Variants in SMYD3 observed in about 807,000 individuals in gnomAD.
SMYD3 encodes the protein histone-lysine N-methyltransferase SMYD3.
In SMYD3, 36 loss-of-function variants were observed where a neutral mutation model predicts 57.7. That is an observed-to-expected ratio of 0.62 (90% confidence interval 0.48 to 0.82). The LOEUF (loss-of-function observed/expected upper bound fraction) is 0.82. Among genes scored for constraint, SMYD3 ranks in the 40% least tolerant of loss-of-function variants. The probability of loss-of-function intolerance (pLI) is 0.00; values close to 1 mark genes in which losing one functional copy is unlikely to be tolerated. For missense variants in SMYD3, 515 were observed against 538.8 expected (o/e 0.96, Z 0.44); for synonymous variants, 211 against 195.0 (o/e 1.08, Z -0.68).
intron 8 of SMYD3, among the ~76,000 whole-genome samples, chr1:245,878,878 C>T (rs1385212617): frequency 6.6e-6 from 1 of 152,184 alleles, no homozygotes; most frequent in Admixed American, 6.5e-5. Context: ...TGTAAACAAA[C>T]ATGGGTTCCG....
chr1:245,930,246 A>G, intron 5 of SMYD3: 1 of 425,688 alleles, frequency 2.3e-6, no homozygotes. Context: ...TTACAGTTAC[A>G]TGAACTGTTC....
intron 5 of SMYD3, among the ~76,000 whole-genome samples, chr1:245,940,082 C>T (rs1032679185): frequency 6.6e-6 from 1 of 152,194 alleles, no homozygotes; most frequent in Non-Finnish European, 1.5e-5. Flanking sequence ...TCACCTTCCC[C>T]TCAGGGAATT....
At chr1:246,419,736 G>T (rs962459329) in intron 1 of SMYD3, among the ~76,000 whole-genome samples, 1 of 152,210 alleles carries the variant, frequency 6.6e-6, no homozygotes, top group Non-Finnish European at 1.5e-5. Flanking sequence ...ACATGGCAGG[G>T]ATCTAAGTTG....
intron 7 of SMYD3, among the ~76,000 whole-genome samples, chr1:245,921,234 T>C (rs2055902820): frequency 6.6e-6 from 1 of 152,066 alleles, no homozygotes; most frequent in Non-Finnish European, 1.5e-5. Context: ...CGAGAAACCA[T>C]CTTACACCAG....
At chr1:245,904,073 A>G (rs2054382782) in intron 8 of SMYD3, among the ~76,000 whole-genome samples, 1 of 152,170 alleles carries the variant, frequency 6.6e-6, no homozygotes, top group African/African-American at 2.4e-5. Context: ...TGTTGACTCC[A>G]TGTCTCACAT....
intron 2 of SMYD3, among the ~76,000 whole-genome samples, chr1:246,340,312 C>T (rs1263752662): frequency 6.7e-6 from 1 of 149,896 alleles, no homozygotes; most frequent in African/African-American, 2.4e-5. Context: ...AGGTAATAAA[C>T]CATGAAACAG....
At chr1:246,060,530 AG>A (rs2060233640) in intron 5 of SMYD3, among the ~76,000 whole-genome samples, 1 of 151,790 alleles carries the variant, frequency 6.6e-6, no homozygotes, top group Non-Finnish European at 1.5e-5. Flanking sequence ...AAGATAAAAA[AG>A]GAAAAAAATA....
chr1:246,113,187 AT>A (rs1411390611), intron 5 of SMYD3, among the ~76,000 whole-genome samples: 2 of 67,534 alleles, frequency 3.0e-5, no homozygotes, highest in African/African-American at 2.3e-4. Flanking sequence ...GTCTCAAAAA[AT>A]AAATAAATAA....
At chr1:246,115,907 G>C (rs1373161390) in intron 5 of SMYD3, among the ~76,000 whole-genome samples, 3 of 151,986 alleles carry the variant, frequency 2.0e-5, no homozygotes, top group Admixed American at 6.6e-5. Flanking sequence ...CGGAGGCCAA[G>C]GCGGGCAGAT....
chr1:246,002,448 T>TA (rs1425793410), intron 5 of SMYD3, among the ~76,000 whole-genome samples: 2 of 44,808 alleles, frequency 4.5e-5, no homozygotes, highest in Non-Finnish European at 1.1e-4. Flanking sequence ...CCTCCCAAAG[T>TA]GCTGGGATTA....
chr1:245,822,960 T>C (rs990513618), intron 10 of SMYD3, among the ~76,000 whole-genome samples: 8 of 152,240 alleles, frequency 5.3e-5, no homozygotes, highest in Non-Finnish European at 7.3e-5. Context: ...GCTCGTGTTC[T>C]TGTCAGTCCT....
At chr1:245,768,887 T>C (rs933646501) in intron 10 of SMYD3, among the ~76,000 whole-genome samples, 2 of 151,826 alleles carry the variant, frequency 1.3e-5, no homozygotes, top group Admixed American at 6.6e-5. Flanking sequence ...CCTCCGGAAC[T>C]GTGAGAAAAA....
chr1:246,165,224 G>A lies in SMYD3; in HGVS notation c.531+161977C>T, dbSNP rs936878051. 7.9e-5 allele frequency among the ~76,000 whole-genome samples: 12 copies of A among 152,284 alleles called. No homozygotes were observed. In the East Asian group the frequency reaches 1.2e-3, roughly 15 times the overall value. ...AAGGACCTGAACGCCAGACTACAGC[G>A]GAGGTGACAAGAAGTAAGAAAGTGA... On this transcript the variant is annotated intron_variant, in intron 5 of 11. Transcript: ENST00000490107.
At chr1:246,087,190 T>C (rs1455656578) in intron 5 of SMYD3, among the ~76,000 whole-genome samples, 1 of 152,184 alleles carries the variant, frequency 6.6e-6, no homozygotes, top group Non-Finnish European at 1.5e-5. Context: ...AGAAGAGTTT[T>C]CAAATTCTTG....
chr1:246,385,917 G>A (rs75069628), intron 1 of SMYD3, among the ~76,000 whole-genome samples: 4 of 148,390 alleles, frequency 2.7e-5, no homozygotes, highest in Admixed American at 6.7e-5. Flanking sequence ...TTTTTTTTCC[G>A]CCACTCTTTC....
chr1:245,949,323 T>C (rs1030057458), intron 5 of SMYD3, among the ~76,000 whole-genome samples: 3 of 152,142 alleles, frequency 2.0e-5, no homozygotes, highest in Non-Finnish European at 2.9e-5. Context: ...ACCGCCACCG[T>C]GGGGCCCAAG....
intron 1 of SMYD3, among the ~76,000 whole-genome samples, chr1:246,505,394 G>A (rs560610578): frequency 6.6e-6 from 1 of 151,106 alleles, no homozygotes; most frequent in Non-Finnish European, 1.5e-5. Flanking sequence ...GAATGGTTGA[G>A]AGAATCACTC....
chr1:246,216,707 A>T lies in SMYD3; in HGVS notation c.531+110494T>A, dbSNP rs189940690. Among the ~76,000 whole-genome samples, 3,421 of 152,298 alleles carry T rather than the reference A, an allele frequency of 0.022. 246 individuals carry two copies. In the East Asian group the frequency reaches 0.24, roughly 11 times the overall value. On this transcript the variant is annotated intron_variant, in intron 5 of 11. Transcript: ENST00000490107. Reference sequence around the variant, plus strand: ...AAGGCATAAAAGAAGTTGTATTTAAAAAGAGAACATTAAAATAAAATTCAT... The same window carrying T: ...AAGGCATAAAAGAAGTTGTATTTAATAAGAGAACATTAAAATAAAATTCAT...
At chr1:245,893,105 A>T (rs2053498992) in intron 8 of SMYD3, among the ~76,000 whole-genome samples, 2 of 152,230 alleles carry the variant, frequency 1.3e-5, no homozygotes, top group African/African-American at 4.8e-5. Flanking sequence ...TGGCACACAA[A>T]CACGTGAGAA....
Sources: gnomAD v4.1 joint callset for allele counts (sites outside exome capture counted in the v4.1 genomes callset) on GRCh38, gnomAD v4.1.1 for gene constraint, MANE v1.5 for transcripts, NCBI Gene and HGNC (gene_info 2026-07-23, HGNC 2026-07-21) for gene names.